Variants in PLEKHG5 observed in about 807,000 individuals in gnomAD.
The protein encoded by PLEKHG5 is pleckstrin homology and RhoGEF domain containing G5.
A neutral mutation model predicts 103.8 loss-of-function variants in PLEKHG5; 52 were observed. The ratio of observed to expected loss-of-function variants is 0.50; its 90% CI spans 0.40 to 0.63. The LOEUF is 0.63. PLEKHG5 is among the 30% of genes least tolerant of loss of function. The pLI is 0.00. For synonymous variants in PLEKHG5, 592 were observed against 575.5 expected (o/e 1.03, Z -0.41); for missense variants, 1,205 against 1,347.6 (o/e 0.89, Z 1.66).
chr1:6,503,019 GGGATCTCAAA>G (rs1645313769), intron 1 of PLEKHG5, among the ~76,000 whole-genome samples: 1 of 152,164 alleles, frequency 6.6e-6, no homozygotes, highest in Non-Finnish European at 1.5e-5. Context: ...GCCACCACTT[GGGATCTCAAA>G]GGCCTCGCCA....
intron 1 of PLEKHG5, among the ~76,000 whole-genome samples, chr1:6,481,484 T>G (rs1423927035): frequency 6.6e-6 from 1 of 151,206 alleles, no homozygotes; most frequent in Non-Finnish European, 1.5e-5. Context: ...TGAGCCGAGA[T>G]TGTGCCATCG....
At chr1:6,515,301 G>A (rs1379150047) in intron 1 of PLEKHG5, among the ~76,000 whole-genome samples, 1 of 152,168 alleles carries the variant, frequency 6.6e-6, no homozygotes, top group Non-Finnish European at 1.5e-5. Flanking sequence ...GCTGAGGCAG[G>A]CAGATCACGA....
At chr1:6,520,061 G>T, upstream of PLEKHG5, 1 of 187,426 alleles carries the variant, frequency 5.3e-6, no homozygotes, top group Non-Finnish European at 1.1e-5. Context: ...GGGAGATCAA[G>T]TGAGCCTCAA....
intron 1 of PLEKHG5, among the ~76,000 whole-genome samples, chr1:6,503,227 G>A (rs1257932335): frequency 2.0e-5 from 3 of 152,098 alleles, no homozygotes; most frequent in Non-Finnish European, 2.9e-5. Context: ...ACCAGCCTGG[G>A]CAACATAGAG....
chr1:6,474,604 A>C lies in PLEKHG5; in HGVS notation c.303-17T>G. ...AGCACCTCCCTGCCCCCAGGACAGG[A>C]GGCATGTGTGTTAGAACCAGGCGGC... On this transcript the variant is annotated splice_polypyrimidine_tract_variant and intron_variant, in intron 5 of 20. Coordinates refer to ENST00000377728, the MANE Select transcript of PLEKHG5 (RefSeq NM_020631.6). 1 of 1,612,922 alleles carries C rather than the reference A, an allele frequency of 6.2e-7. No individual in the cohort carries two copies. Among genetic ancestry groups the C allele is most frequent in the East Asian group, 2.2e-5 (1 of 44,864 alleles).
At position 6,469,033 on chromosome 1, in the gene PLEKHG5, C is replaced by G. The variant is rs1172396805; in HGVS notation, c.2249+9G>C. On this transcript the variant is annotated intron_variant, in intron 19 of 20. Coordinates refer to ENST00000377728, the MANE Select transcript of PLEKHG5 (RefSeq NM_020631.6). Reference sequence around the variant, plus strand: ...GTTTGACCTGCTGGGTGGTCATGAGCAGACGTACCAGTGCTGAGAGTCGGG... The same window carrying G: ...GTTTGACCTGCTGGGTGGTCATGAGGAGACGTACCAGTGCTGAGAGTCGGG... The G allele has an allele frequency of 1.9e-6, 3 of 1,611,906 alleles. No homozygotes were observed. The highest frequency in any genetic ancestry group is 2.7e-5 in the African/African-American group (2 of 74,868).
At position 6,477,636 on chromosome 1, in the gene PLEKHG5, T is replaced by C; in HGVS notation, c.-65A>G. ...GAGGGGCCCCCGGCGGTGCAGCTGC[T>C]GGCAGTCGGCGTGGTGACATACCTG... On this transcript the variant is annotated 5_prime_UTR_variant, in exon 2 of 21. Transcript: ENST00000377728. 1 of 1,606,794 alleles carries C rather than the reference T, an allele frequency of 6.2e-7. No individual in the cohort carries two copies. The highest frequency in any genetic ancestry group is 1.7e-5 in the Admixed American group (1 of 60,000).
chr1:6,472,475 T>C lies in PLEKHG5; in HGVS notation c.1080+52A>G, dbSNP rs573052872. The C allele has an allele frequency of 3.4e-5, 43 of 1,267,180 alleles. No homozygotes were observed. In the East Asian group the frequency reaches 9.1e-4, roughly 27 times the overall value. The allele number at this position is 1,267,180 out of a possible 1,614,324, so 78.5% of individuals were successfully genotyped here. ...AAGGCTCAGACTCAGCTGAGGGCTG[T>C]CAGAAAGAGGGGGGCAGGGTGGCCA... On this transcript the variant is annotated intron_variant, in intron 10 of 20. Transcript: ENST00000377728.
intron 3 of PLEKHG5, 128 bp downstream of exon 3, chr1:6,475,803 C>A: frequency 1.1e-6 from 1 of 871,148 alleles, no homozygotes; most frequent in Admixed American, 1.8e-5. Flanking sequence ...CAGCCACAGG[C>A]GTGGGAAGAG....
intron 1 of PLEKHG5, among the ~76,000 whole-genome samples, chr1:6,489,444 C>A (rs561854000): frequency 3.3e-4 from 51 of 152,342 alleles, no homozygotes; most frequent in Admixed American, 6.5e-4. Context: ...GCCCACCGCA[C>A]GGGCCCTGGA....
intron 1 of PLEKHG5, among the ~76,000 whole-genome samples, chr1:6,510,607 T>A (rs935780011): frequency 6.6e-6 from 1 of 152,136 alleles, no homozygotes; most frequent in Admixed American, 6.6e-5. Flanking sequence ...GAAAAGAATC[T>A]GCCTCTGCCC....
At chr1:6,474,256 G>T (rs1274416408) in intron 6 of PLEKHG5, 92 bp from the exon 7 acceptor site, 21 of 1,493,796 alleles carry the variant, frequency 1.4e-5, no homozygotes, top group African/African-American at 2.8e-5. Context: ...CCACACCAAG[G>T]CCTGCCTGCC....
chr1:6,505,650 C>T lies in PLEKHG5; in HGVS notation c.-164-9081G>A, dbSNP rs868682478. On this transcript the variant is annotated intron_variant, in intron 1 of 21. Transcript: ENST00000377740. This position sits in a 1 kb window ranked among gnomAD's most constrained non-coding sequence, Gnocchi z 4.2. Reference sequence around the variant, plus strand: ...ATGACCCACGTCCTGGGACCTGGAACGTGAATGTTCCAGAACATCTCATTA... The same window carrying T: ...ATGACCCACGTCCTGGGACCTGGAATGTGAATGTTCCAGAACATCTCATTA... 2.0e-5 allele frequency among the ~76,000 whole-genome samples: 3 copies of T among 152,196 alleles called. No homozygotes were observed. The highest frequency in any genetic ancestry group is 4.4e-5 in the Non-Finnish European group (3 of 68,044).
At chr1:6,515,070 TAAAA>T (rs1570010696) in intron 1 of PLEKHG5, among the ~76,000 whole-genome samples, 1 of 151,718 alleles carries the variant, frequency 6.6e-6, no homozygotes, top group East Asian at 2.0e-4. Context: ...AAAAATAAAA[TAAAA>T]AGAAAGAAAG....
chr1:6,501,599 A>G (rs376110448), upstream of PLEKHG5, among the ~76,000 whole-genome samples: 279 of 152,308 alleles, frequency 1.8e-3, 2 homozygotes, highest in African/African-American at 6.4e-3. The surrounding 1 kb of genome is among the most constrained non-coding windows in gnomAD (Gnocchi z 4.3). Context: ...CTCTGTGTAG[A>G]GGAATGATCA....
upstream of PLEKHG5, chr1:6,497,077 G>A (rs1645237095): frequency 1.3e-6 from 2 of 1,489,128 alleles, no homozygotes; most frequent in Non-Finnish European, 1.8e-6. The surrounding 1 kb of genome is among the most constrained non-coding windows in gnomAD (Gnocchi z 6.1). Context: ...CTCTTCCTGG[G>A]GGCTGGAGTG....
chr1:6,482,258 A>C (rs1448711607), intron 1 of PLEKHG5, among the ~76,000 whole-genome samples: 1 of 151,884 alleles, frequency 6.6e-6, no homozygotes, highest in Non-Finnish European at 1.5e-5. Context: ...CTGCCTCCAC[A>C]CCTGGTCACA....
At chr1:6,468,901 C>G (rs1236181476) in intron 19 of PLEKHG5, 141 bp downstream of exon 19, 2 of 786,572 alleles carry the variant, frequency 2.5e-6, no homozygotes, top group Non-Finnish European at 4.3e-6. Flanking sequence ...CACCCGGACT[C>G]TGGGGGAGAC....
chr1:6,478,603 A>C (rs1292682019), intron 1 of PLEKHG5, among the ~76,000 whole-genome samples: 2 of 150,844 alleles, frequency 1.3e-5, no homozygotes, highest in South Asian at 2.1e-4. Context: ...CACTCTCTTT[A>C]TTTTTCCCAA....
Sources: gnomAD v4.1 joint callset for allele counts (sites outside exome capture counted in the v4.1 genomes callset) on GRCh38, gnomAD v4.1.1 for gene constraint, Gnocchi (gnomAD v3.1) non-coding constraint, MANE v1.5 for transcripts, NCBI Gene and HGNC (gene_info 2026-07-23, HGNC 2026-07-21) for gene names.